Variants in CLOCK observed in about 807,000 individuals in gnomAD.
The protein encoded by CLOCK is circadian locomoter output cycles protein kaput.
CLOCK carries 43 observed loss-of-function variants against 118.4 expected under a neutral mutation model. The observed-to-expected ratio is 0.36, with a 90% CI of 0.28 to 0.47. The LOEUF (loss-of-function observed/expected upper bound fraction) is 0.47, where lower values mean the gene tolerates loss of function less well. Among genes scored for constraint, CLOCK ranks in the 20% least tolerant of loss-of-function variants. The pLI is 1.00. For synonymous variants in CLOCK, 326 were observed against 339.2 expected (o/e 0.96, Z 0.43); for missense variants, 846 against 999.9 (o/e 0.85, Z 2.08).
chr4:55,443,943 G>A, intron 19 of CLOCK, 47 bp from the exon 20 acceptor site: 1 of 1,548,522 alleles, frequency 6.5e-7, no homozygotes, highest in Non-Finnish European at 8.8e-7. Flanking sequence ...AGATTGAAAA[G>A]AAGAATGAGC....
chr4:55,506,653 C>A (rs927045490), intron 2 of CLOCK, among the ~76,000 whole-genome samples: 2 of 151,754 alleles, frequency 1.3e-5, no homozygotes, highest in Non-Finnish European at 2.9e-5. Flanking sequence ...CTCTGCCTTC[C>A]GGGTTCCAGC....
chr4:55,442,680 T>C, intron 20 of CLOCK, 46 bp from the exon 21 acceptor site: 1 of 1,495,278 alleles, frequency 6.7e-7, no homozygotes, highest in Non-Finnish European at 9.3e-7. Context: ...CTGAAAATAA[T>C]TATTTGGGAA....
intron 13 of CLOCK, among the ~76,000 whole-genome samples, chr4:55,454,497 C>T (rs1302213711): frequency 6.6e-6 from 1 of 151,208 alleles, no homozygotes; most frequent in Admixed American, 6.6e-5. Flanking sequence ...TGCCTGTAAT[C>T]CCAGCTACTC....
At chr4:55,500,007 A>G (rs750360936) in intron 2 of CLOCK, among the ~76,000 whole-genome samples, 16 of 152,024 alleles carry the variant, frequency 1.1e-4, no homozygotes, top group Non-Finnish European at 2.2e-4. Context: ...ATATACCACT[A>G]TGGCAATGTA....
chr4:55,435,087 A>G lies in CLOCK; in HGVS notation c.*328T>C. On this transcript the variant is annotated 3_prime_UTR_variant, in exon 23 of 23. Coordinates refer to ENST00000513440, the MANE Select transcript of CLOCK (RefSeq NM_004898.4). ...ACCACTAAAAGTTACTAACATCATTAGTGCCTTTCTGATTCCCTGGAGGTC... is the reference window on the plus strand; with the variant it reads ...ACCACTAAAAGTTACTAACATCATTGGTGCCTTTCTGATTCCCTGGAGGTC... 1 of 356,952 alleles carries G rather than the reference A, an allele frequency of 2.8e-6. No homozygotes were observed. The highest frequency in any genetic ancestry group is 6.9e-5 in the East Asian group (1 of 14,516). 22.1% of individuals were successfully genotyped at this position (356,952 alleles called of 1,614,324 possible).
Position 55,466,512 on chromosome 4 carries a change from T to C in CLOCK, c.439-2707A>G, listed in dbSNP as rs991949431. On this transcript the variant is annotated intron_variant, in intron 8 of 22. Coordinates refer to ENST00000513440, the MANE Select transcript of CLOCK (RefSeq NM_004898.4). Reference sequence around the variant, plus strand: ...AAATTTTCATTTTTGAGAATGATTATAGTTTTCTACTATTATTTGTTACTA... The same window carrying C: ...AAATTTTCATTTTTGAGAATGATTACAGTTTTCTACTATTATTTGTTACTA... 2.6e-5 allele frequency among the ~76,000 whole-genome samples: 4 copies of C among 152,242 alleles called. No homozygotes were observed. The East Asian group carries it at 7.7e-4, about 29-fold the overall frequency.
At chr4:55,465,275 ATGTG>A (rs1210120532) in intron 8 of CLOCK, among the ~76,000 whole-genome samples, 1 of 152,240 alleles carries the variant, frequency 6.6e-6, no homozygotes, top group Non-Finnish European at 1.5e-5. Context: ...AAATGGGAAG[ATGTG>A]TGTAAGTTAC....
At chr4:55,544,045 C>A (rs561630926) in intron 1 of CLOCK, among the ~76,000 whole-genome samples, 41 of 152,050 alleles carry the variant, frequency 2.7e-4, no homozygotes, top group African/African-American at 9.4e-4. Flanking sequence ...TTGAGGGTCC[C>A]CTCCCAAAAT....
Position 55,438,462 on chromosome 4 carries a change from A to G in CLOCK, c.2181T>C (p.Ser727=). 3 of 1,613,886 alleles carry G rather than the reference A, an allele frequency of 1.9e-6. No individual in the cohort carries two copies. Among genetic ancestry groups the G allele is most frequent in the Non-Finnish European group, 2.5e-6 (3 of 1,180,006 alleles). Residue 727 remains serine (S), a synonymous_variant, in exon 22 of 23, where the codon AGT becomes AGC. Coordinates refer to ENST00000513440, the MANE Select transcript of CLOCK (RefSeq NM_004898.4). The part of the protein sequence containing the change: ...PVACGAVMVP[S]TMLMGQVVTA... ...TCACCACCTGGCCCATAAGCATAGT[A>G]CTAGGTACCATGACTGCCCCACAAG...
At chr4:55,442,220 T>C (rs1222443481) in intron 21 of CLOCK, 2 of 560,238 alleles carry the variant, frequency 3.6e-6, no homozygotes, top group African/African-American at 3.8e-5. Flanking sequence ...TAGCATATTT[T>C]TGGACAAGAA....
intron 1 of CLOCK, among the ~76,000 whole-genome samples, chr4:55,538,250 A>C (rs1053361797): frequency 1.3e-5 from 2 of 151,970 alleles, no homozygotes; most frequent in East Asian, 3.8e-4. Flanking sequence ...AGGCATGTGA[A>C]GAGACGGAAC....
intron 1 of CLOCK, among the ~76,000 whole-genome samples, chr4:55,514,579 A>G (rs925050549): frequency 6.6e-6 from 1 of 151,348 alleles, no homozygotes; most frequent in African/African-American, 2.4e-5. Context: ...CTCTATTCCA[A>G]GTTTTACAGT....
chr4:55,539,572 CAAAAAAAAAAAAAAAAAA>C (rs57022769), intron 1 of CLOCK, among the ~76,000 whole-genome samples: 1 of 52,064 alleles, frequency 1.9e-5, no homozygotes, highest in Non-Finnish European at 3.2e-5. Flanking sequence ...GACCTTGTCT[CAAAAAAAAAAAAAAAAAA>C]AAAAAAAAAA....
intron 1 of CLOCK, among the ~76,000 whole-genome samples, chr4:55,530,132 CCTA>C: frequency 1.3e-5 from 2 of 152,178 alleles, no homozygotes; most frequent in East Asian, 3.9e-4. Flanking sequence ...ACTGAAAGGA[CCTA>C]CTGAGTCCAG....
chr4:55,484,762 A>G (rs1727177684), intron 3 of CLOCK, among the ~76,000 whole-genome samples: 1 of 152,142 alleles, frequency 6.6e-6, no homozygotes, highest in African/African-American at 2.4e-5. Context: ...AAAAAAGGGC[A>G]GGGGGTGGTG....
At chr4:55,461,033 C>G (rs1388747517) in intron 9 of CLOCK, among the ~76,000 whole-genome samples, 2 of 151,998 alleles carry the variant, frequency 1.3e-5, no homozygotes, top group Non-Finnish European at 2.9e-5. Context: ...AAGTGATCCT[C>G]CAGCTCAGCC....
intron 1 of CLOCK, among the ~76,000 whole-genome samples, chr4:55,537,719 G>A (rs1730995949): frequency 6.6e-6 from 1 of 152,162 alleles, no homozygotes; most frequent in South Asian, 2.1e-4. Flanking sequence ...ACTTGAGCCT[G>A]AGAGGTCAAG....
chr4:55,489,122 G>GAA (rs1727500218), intron 3 of CLOCK, among the ~76,000 whole-genome samples: 1 of 152,150 alleles, frequency 6.6e-6, no homozygotes, highest in South Asian at 2.1e-4. Flanking sequence ...TCTCACTTGT[G>GAA]TATTATTCTT....
At position 55,544,248 on chromosome 4, in the gene CLOCK, GAA is replaced by G. The variant is rs775933825; in HGVS notation, c.-290+2532_-290+2533del. ...TCATGTTTGATTTCCTCAAAAGAAA[GAA>G]AAGTTTCCCAACCTGAAAAGCAAAC... On this transcript the variant is annotated intron_variant, in intron 1 of 22. Coordinates refer to ENST00000513440, the MANE Select transcript of CLOCK (RefSeq NM_004898.4). 8.6e-5 allele frequency among the ~76,000 whole-genome samples: 13 copies of G among 151,458 alleles called. No individual in the cohort carries two copies. In the East Asian group the frequency reaches 1.2e-3, roughly 14 times the overall value.
Sources: gnomAD v4.1 joint callset for allele counts (sites outside exome capture counted in the v4.1 genomes callset) on GRCh38, gnomAD v4.1.1 for gene constraint, MANE v1.5 for transcripts, NCBI Gene and HGNC (gene_info 2026-07-23, HGNC 2026-07-21) for gene names.